TOX4: variants seen among roughly 807,000 people sequenced by gnomAD.
TOX4 encodes the protein epidermal Langerhans cell protein LCP1.
Under a neutral mutation model 61.0 loss-of-function variants are expected in TOX4, and 12 were observed. The observed-to-expected ratio is 0.20, with a 90% CI of 0.13 to 0.32. TOX4 has a LOEUF of 0.32. Ranked by LOEUF, TOX4 falls within the 10% of genes least tolerant of loss-of-function variation. The pLI is 1.00. For missense variants in TOX4, 499 were observed against 753.3 expected (o/e 0.66, Z 3.95); for synonymous variants, 268 against 274.8 (o/e 0.98, Z 0.24).
At chr14:21,480,364 A>T (rs766586891) in intron 2 of TOX4, among the ~76,000 whole-genome samples, 3 of 152,170 alleles carry the variant, frequency 2.0e-5, no homozygotes, top group Non-Finnish European at 4.4e-5. Context: ...CCTTTGCCTA[A>T]GGCTCCTGTC....
chr14:21,490,878 T>C (rs927255992), intron 5 of TOX4, among the ~76,000 whole-genome samples: 62 of 152,270 alleles, frequency 4.1e-4, no homozygotes, highest in African/African-American at 1.4e-3. Context: ...CAGGCTGCAG[T>C]GCAGTGGTGC....
chr14:21,489,717 T>C (rs1007576760), intron 5 of TOX4, among the ~76,000 whole-genome samples: 1 of 152,032 alleles, frequency 6.6e-6, no homozygotes, highest in African/African-American at 2.4e-5. Flanking sequence ...TAGCTGGGAC[T>C]GCAGGCGCTT....
rs563513268 is a variant in TOX4, at chr14:21,498,958, A to C, written c.*2352A>C. 9.2e-7 allele frequency: 1 copy of C among 1,087,038 alleles called. No individual in the cohort carries two copies. Among genetic ancestry groups the C allele is most frequent in the East Asian group, 2.4e-5 (1 of 41,784 alleles). The allele number at this position is 1,087,038 out of a possible 1,614,324, so 67.3% of individuals were successfully genotyped here. A position where few individuals can be genotyped will look rare whatever the true frequency, so the allele number is the denominator to read the frequency against. ...CTAGTGTAAAACAATGTGAAGCTCT[A>C]CTAAGTTCTGTCCTTAATCATAAAT... On this transcript the variant is annotated 3_prime_UTR_variant, in exon 9 of 9. Transcript: ENST00000448790.
Position 21,492,934 on chromosome 14 carries a change from C to T in TOX4, c.1318C>T (p.Pro440Ser). 3 of 1,610,826 alleles carry T rather than the reference C, an allele frequency of 1.9e-6. No individual in the cohort carries two copies. The South Asian group carries it at 3.3e-5, about 18-fold the overall frequency. The change falls in exon 7 of 9, where the codon CCA becomes TCA. Residue 440 changes from proline to serine, a missense_variant. Transcript: ENST00000448790. Reference protein sequence around the residue: ...AAAAASMQLPPPRLQPPPLQQ... With the variant: ...AAAAASMQLPSPRLQPPPLQQ... ...TGCTGCTGCTTCTATGCAACTGCCT[C>T]CACCCCGACTACAGCCCCCTCCATT...
Position 21,492,592 on chromosome 14 carries a change from T to C in TOX4, c.976T>C (p.Ser326Pro). The C allele has an allele frequency of 6.2e-7, 1 of 1,613,858 alleles. No individual in the cohort carries two copies. Among genetic ancestry groups the C allele is most frequent in the Non-Finnish European group, 8.5e-7 (1 of 1,180,002 alleles). The stretch of plus-strand genomic sequence containing the variant: ...TCCTATGGCTACTGTTGACCCAGCA[T>C]CTCCAGCACCAGCTTCAATAGAGCC... ...PPPMATVDPASPAPASIEPPA... is the reference protein window; with the variant it reads ...PPPMATVDPAPPAPASIEPPA... Residue 326 changes from serine to proline, a missense_variant, in exon 7 of 9, where the codon TCT (serine) becomes CCT (proline). This residue lies in a region of TOX4 where 296 missense variants were observed against 404.7 expected (regional missense o/e 0.73). Coordinates refer to ENST00000448790, the MANE Select transcript of TOX4 (RefSeq NM_014828.4).
intron 5 of TOX4, among the ~76,000 whole-genome samples, chr14:21,490,931 T>G (rs1891277774): frequency 6.6e-6 from 1 of 152,244 alleles, no homozygotes; most frequent in Non-Finnish European, 1.5e-5. Flanking sequence ...GTTCAAGTGA[T>G]TCTCCTGCCT....
At chr14:21,494,041 G>C (rs1891349983) in intron 7 of TOX4, among the ~76,000 whole-genome samples, 1 of 152,118 alleles carries the variant, frequency 6.6e-6, no homozygotes, top group South Asian at 2.1e-4. Context: ...GAGCCACCGT[G>C]TGCCCCATAG....
chr14:21,483,231 C>G (rs1318954394), intron 2 of TOX4, among the ~76,000 whole-genome samples: 2 of 152,072 alleles, frequency 1.3e-5, no homozygotes, highest in African/African-American at 4.8e-5. Context: ...ATTTTTATAT[C>G]CTGACAAAGT....
At chr14:21,488,082 A>AG (rs1555324986) in intron 3 of TOX4, 1,756 of 152,750 alleles carry the variant, frequency 0.011, 40 homozygotes, top group East Asian at 0.035. Flanking sequence ...AAAAAAAAAA[A>AG]GTCTGAGCCA....
Position 21,487,826 on chromosome 14 carries a change from G to A in TOX4, c.318+133G>A, listed in dbSNP as rs559620834. ...TTGTGGCTAAAGGCTCACCAACAAA[G>A]ACTTAATTTCACCTGAATAAATGAA... On this transcript the variant is annotated intron_variant, in intron 3 of 8. Coordinates refer to ENST00000448790, the MANE Select transcript of TOX4 (RefSeq NM_014828.4). 49 of 1,052,098 alleles carry A rather than the reference G, an allele frequency of 4.7e-5. 2 individuals carry two copies. In the South Asian group the frequency reaches 1.3e-3, roughly 29 times the overall value. 65.2% of individuals were successfully genotyped at this position (1,052,098 alleles called of 1,614,324 possible).
chr14:21,495,919 A>G (rs553871832), intron 8 of TOX4: 1 of 153,176 alleles, frequency 6.5e-6, no homozygotes, highest in East Asian at 1.9e-4. Flanking sequence ...CTGACTTTTA[A>G]GCCCACTGTT....
chr14:21,493,698 CAA>C (rs748245110), intron 7 of TOX4, among the ~76,000 whole-genome samples: 8 of 152,150 alleles, frequency 5.3e-5, no homozygotes, highest in Non-Finnish European at 1.0e-4. Context: ...CTCGGCCTCC[CAA>C]AGTGCTGGGA....
intron 2 of TOX4, among the ~76,000 whole-genome samples, chr14:21,480,540 GT>G (rs751809987): frequency 5.3e-5 from 8 of 151,092 alleles, no homozygotes; most frequent in East Asian, 3.9e-4. Context: ...TTAAAAAAAA[GT>G]TTTTTTTTAC....
At chr14:21,494,557 C>T (rs1005955387) in intron 7 of TOX4, among the ~76,000 whole-genome samples, 7 of 152,044 alleles carry the variant, frequency 4.6e-5, no homozygotes, top group Non-Finnish European at 8.8e-5. Context: ...ACCATCCTGG[C>T]TAACACGGTG....
At chr14:21,486,715 GTTA>G (rs1891195959) in intron 2 of TOX4, among the ~76,000 whole-genome samples, 2 of 152,136 alleles carry the variant, frequency 1.3e-5, no homozygotes, top group South Asian at 2.1e-4. Context: ...GAAAGAATGT[GTTA>G]TTATTGACCT....
intron 4 of TOX4, 93 bp from the exon 5 acceptor site, chr14:21,489,080 A>C (rs979427232): frequency 5.6e-5 from 77 of 1,377,022 alleles, no homozygotes; most frequent in Non-Finnish European, 6.9e-5. Flanking sequence ...TATGATTTTT[A>C]GCATTTCTGA....
At chr14:21,491,542 T>A (rs572585864) in intron 5 of TOX4, among the ~76,000 whole-genome samples, 2 of 151,550 alleles carry the variant, frequency 1.3e-5, no homozygotes, top group African/African-American at 4.8e-5. Context: ...TTTTGTTTTT[T>A]TTAGTAGAGA....
chr14:21,478,693 A>C (rs1891052939), intron 2 of TOX4, among the ~76,000 whole-genome samples: 1 of 152,174 alleles, frequency 6.6e-6, no homozygotes, highest in Non-Finnish European at 1.5e-5. Context: ...CATTTGCATC[A>C]GTTTTTTTTA....
Position 21,497,366 on chromosome 14 carries a change from G to A in TOX4, c.*760G>A, listed in dbSNP as rs1262832207. ...CCACCTGGTTGTAACAGAATAAGCA[G>A]AAGTTTACAGCATGATAGTCCAAGT... On this transcript the variant is annotated 3_prime_UTR_variant, in exon 9 of 9. Transcript: ENST00000448790. 6.6e-6 allele frequency: 1 copy of A among 152,174 alleles called. No homozygotes were observed. The highest frequency in any genetic ancestry group is 1.5e-5 in the Non-Finnish European group (1 of 68,036). 9.4% of individuals were successfully genotyped at this position (152,174 alleles called of 1,614,324 possible). A position where few individuals can be genotyped will look rare whatever the true frequency, so the allele number is the denominator to read the frequency against.
Sources: allele counts gnomAD v4.1 joint callset (sites outside exome capture counted in the v4.1 genomes callset), GRCh38; gene constraint gnomAD v4.1.1; regional missense constraint gnomAD v4.1.1; transcripts MANE v1.5; gene names NCBI Gene and HGNC (gene_info 2026-07-23, HGNC 2026-07-21).